The following AKR1B15 variants were observed in gnomAD, a reference collection of about 807,000 sequenced individuals.
The protein encoded by AKR1B15 is estradiol 17-beta-dehydrogenase AKR1B15.
AKR1B15 carries 49 observed loss-of-function variants against 38.5 expected under a neutral mutation model. The ratio of observed to expected loss-of-function variants is 1.27; its 90% CI spans 1.01 to 1.62. The LOEUF is 1.62. AKR1B15 is among the 40% of genes most tolerant of loss of function. AKR1B15 has a pLI of 0.00. For synonymous variants in AKR1B15, 137 were observed against 135.5 expected (o/e 1.01, Z -0.08); for missense variants, 411 against 381.6 (o/e 1.08, Z -0.64).
Position 134,579,677 on chromosome 7 carries a change from A to G in AKR1B15, c.*128A>G, listed in dbSNP as rs1794841831. ...AGTGAACTTTGTCCTGTTGTAGACC[A>G]GAATGGAGGTGCTGTTTTAGACATG... On this transcript the variant is annotated 3_prime_UTR_variant, in exon 12 of 12. Coordinates refer to ENST00000457545, the MANE Select transcript of AKR1B15 (RefSeq NM_001080538.3). The G allele has an allele frequency of 1.3e-6, 1 of 749,960 alleles. No individual in the cohort carries two copies. Among genetic ancestry groups the G allele is most frequent in the East Asian group, 2.8e-5 (1 of 36,010 alleles). 46.5% of individuals were successfully genotyped at this position (749,960 alleles called of 1,614,324 possible). A position where few individuals can be genotyped will look rare whatever the true frequency, so the allele number is the denominator to read the frequency against.
At chr7:134,571,082 C>T (rs965847608) in intron 5 of AKR1B15, among the ~76,000 whole-genome samples, 5 of 152,174 alleles carry the variant, frequency 3.3e-5, no homozygotes, top group South Asian at 2.1e-4. Context: ...TCCCAGCACC[C>T]ATTGCCTGGG....
intron 1 of AKR1B15, among the ~76,000 whole-genome samples, chr7:134,552,618 T>C (rs1794026345): frequency 6.6e-6 from 1 of 152,156 alleles, no homozygotes; most frequent in Non-Finnish European, 1.5e-5. Flanking sequence ...TGTACAGGAC[T>C]TGCAGGAAGG....
intron 1 of AKR1B15, among the ~76,000 whole-genome samples, chr7:134,549,612 G>A (rs1047067755): frequency 3.3e-5 from 5 of 152,060 alleles, no homozygotes; most frequent in Admixed American, 1.3e-4. Context: ...GGCTTAGGGC[G>A]GCATCAGGCA....
chr7:134,575,748 T>C, intron 7 of AKR1B15, 73 bp from the exon 8 acceptor site: 1 of 1,592,734 alleles, frequency 6.3e-7, no homozygotes, highest in Non-Finnish European at 8.6e-7. Context: ...ACTTTTTTTG[T>C]GTGTAGAACT....
At chr7:134,570,163 A>G (rs892259797) in intron 5 of AKR1B15, 12 of 152,328 alleles carry the variant, frequency 7.9e-5, no homozygotes, top group African/African-American at 2.4e-4. Flanking sequence ...TAGATAAGGG[A>G]TGAAATAAGC....
intron 3 of AKR1B15, 139 bp from the exon 4 acceptor site, chr7:134,568,019 G>C (rs1794579478): frequency 2.0e-6 from 2 of 1,012,394 alleles, no homozygotes; most frequent in Admixed American, 2.1e-5. Context: ...TGGTTGCTGA[G>C]TGTGGTGTAA....
intron 10 of AKR1B15, 104 bp downstream of exon 10, chr7:134,577,150 C>CTA: frequency 8.3e-7 from 1 of 1,197,760 alleles, no homozygotes; most frequent in Non-Finnish European, 1.2e-6. Context: ...CTTTGGCCCC[C>CTA]TCCTTCCCCA....
At chr7:134,558,543 G>A (rs1038758654) in intron 2 of AKR1B15, among the ~76,000 whole-genome samples, 1 of 152,072 alleles carries the variant, frequency 6.6e-6, no homozygotes, top group African/African-American at 2.4e-5. Flanking sequence ...ATACTCCTTG[G>A]CATCCATCCT....
chr7:134,549,439 G>A (rs924833370), intron 1 of AKR1B15, among the ~76,000 whole-genome samples, 190 bp downstream of exon 1: 4 of 152,146 alleles, frequency 2.6e-5, no homozygotes, highest in Non-Finnish European at 5.9e-5. Context: ...GGAGATCTCT[G>A]TTTTAGAATG....
chr7:134,577,797 T>C lies in AKR1B15; in HGVS notation c.992+11T>C. 3 of 1,613,410 alleles carry C rather than the reference T, an allele frequency of 1.9e-6. No homozygotes were observed. The highest frequency in any genetic ancestry group is 2.5e-6 in the Non-Finnish European group (3 of 1,179,704). On this transcript the variant is annotated intron_variant, in intron 11 of 11. Coordinates refer to ENST00000457545, the MANE Select transcript of AKR1B15 (RefSeq NM_001080538.3). Reference sequence around the variant, plus strand: ...CTTTGACTTCAAGGAGTAAGTGGCATGGAGTTAACTAGAAGAATTGCCAGG... The same window carrying C: ...CTTTGACTTCAAGGAGTAAGTGGCACGGAGTTAACTAGAAGAATTGCCAGG...
At chr7:134,579,019 A>C (rs1004855533) in intron 11 of AKR1B15, among the ~76,000 whole-genome samples, 3 of 152,182 alleles carry the variant, frequency 2.0e-5, no homozygotes, top group African/African-American at 4.8e-5. Flanking sequence ...CATTGGGCAA[A>C]TTTCTTAGTT....
chr7:134,571,999 G>C (rs1391484049), intron 6 of AKR1B15, among the ~76,000 whole-genome samples: 1 of 152,192 alleles, frequency 6.6e-6, no homozygotes, highest in South Asian at 2.1e-4. Flanking sequence ...CATAGCAGCT[G>C]AGTAACCTAG....
At chr7:134,551,793 G>A (rs1176267892) in intron 1 of AKR1B15, among the ~76,000 whole-genome samples, 1 of 152,182 alleles carries the variant, frequency 6.6e-6, no homozygotes, top group Non-Finnish European at 1.5e-5. Context: ...AAACCAATGT[G>A]CTTCTTGCAA....
At chr7:134,570,210 G>A (rs1259822928) in intron 5 of AKR1B15, 6 of 152,146 alleles carry the variant, frequency 3.9e-5, no homozygotes, top group South Asian at 2.1e-4. Context: ...TTATTAGGAC[G>A]AGGAAATTCC....
At chr7:134,561,531 G>A (rs1379358095) in intron 2 of AKR1B15, among the ~76,000 whole-genome samples, 1 of 152,238 alleles carries the variant, frequency 6.6e-6, no homozygotes, top group Non-Finnish European at 1.5e-5. Flanking sequence ...TAATGTTGAA[G>A]TAGATAATTT....
At chr7:134,554,100 G>A (rs952536203) in intron 1 of AKR1B15, among the ~76,000 whole-genome samples, 11 of 152,238 alleles carry the variant, frequency 7.2e-5, no homozygotes, top group Admixed American at 6.5e-4. Flanking sequence ...CACCTCAGCA[G>A]GAAAGAGTGT....
intron 2 of AKR1B15, among the ~76,000 whole-genome samples, chr7:134,562,791 TTTTC>T (rs1375893060): frequency 6.6e-6 from 1 of 151,904 alleles, no homozygotes; most frequent in Non-Finnish European, 1.5e-5. Context: ...TAATCTTTTC[TTTTC>T]TTTCTTTCCT....
rs553608161 is a variant in AKR1B15, at chr7:134,569,640, G to C, written c.435+111G>C. The C allele has an allele frequency of 1.4e-5, 16 of 1,119,142 alleles. No homozygotes were observed. The South Asian group carries it at 1.9e-4, about 13-fold the overall frequency. 69.3% of individuals were successfully genotyped at this position (1,119,142 alleles called of 1,614,324 possible). On this transcript the variant is annotated intron_variant, in intron 5 of 11. Transcript: ENST00000457545. ...ATGGCAGAAGAACATAAATTGTGAA[G>C]ATTTCATGGACATTTCTTAATTCCC...
intron 10 of AKR1B15, 70 bp downstream of exon 10, chr7:134,577,116 C>T: frequency 7.0e-7 from 1 of 1,435,104 alleles, no homozygotes; most frequent in Non-Finnish European, 9.8e-7. Flanking sequence ...TCTCACTAGG[C>T]TTCTCACCTC....
Sources: gnomAD v4.1 joint callset for allele counts (sites outside exome capture counted in the v4.1 genomes callset) on GRCh38, gnomAD v4.1.1 for gene constraint, MANE v1.5 for transcripts, NCBI Gene and HGNC (gene_info 2026-07-23, HGNC 2026-07-21) for gene names.